The following NBEA variants were observed in gnomAD, a reference collection of about 807,000 sequenced individuals.
NBEA encodes lysosomal-trafficking regulator 2.
NBEA carries 44 observed loss-of-function variants against 343.4 expected under a neutral mutation model. The ratio of observed to expected loss-of-function variants is 0.13; its 90% CI spans 0.10 to 0.16. The LOEUF (loss-of-function observed/expected upper bound fraction) is 0.16, where lower values mean the gene tolerates loss of function less well. NBEA is among the 10% of genes least tolerant of loss of function. NBEA has a pLI of 1.00. For synonymous variants in NBEA, 1,175 were observed against 1,238.7 expected (o/e 0.95, Z 1.08); for missense variants, 2,555 against 3,631.3 (o/e 0.70, Z 7.62).
chr13:35,635,551 G>GAGT (rs1194636855), intron 49 of NBEA, among the ~76,000 whole-genome samples: 21 of 152,138 alleles, frequency 1.4e-4, no homozygotes, highest in African/African-American at 4.6e-4. Context: ...TTAATTAGTG[G>GAGT]AGTGAAAATA....
At chr13:35,668,315 G>C in intron 57 of NBEA, 53 bp from the exon 58 acceptor site, 1 of 1,512,742 alleles carries the variant, frequency 6.6e-7, no homozygotes, top group Non-Finnish European at 8.9e-7. Context: ...TGGTTGTTGT[G>C]TATTTTATTT....
intron 1 of NBEA, among the ~76,000 whole-genome samples, chr13:34,951,078 G>C (rs1373916827): frequency 6.6e-6 from 1 of 152,096 alleles, no homozygotes. Context: ...TATTCCGAGT[G>C]ACATTTTACC....
chr13:35,156,362 T>G (rs2069174977), intron 20 of NBEA, among the ~76,000 whole-genome samples, 156 bp downstream of exon 20: 2 of 152,200 alleles, frequency 1.3e-5, no homozygotes, highest in South Asian at 4.2e-4. Flanking sequence ...CTGTATTCGG[T>G]ATTCTTCTAT....
intron 1 of NBEA, among the ~76,000 whole-genome samples, chr13:35,010,744 ATATATAT>A (rs1566159150): frequency 0.18 from 10,930 of 62,098 alleles, 2,044 homozygotes; most frequent in Non-Finnish European, 0.21. Flanking sequence ...AAAAAAAAAT[ATATATAT>A]ATATATATAT....
At chr13:35,611,690 A>T (rs377639459) in intron 48 of NBEA, among the ~76,000 whole-genome samples, 3 of 152,200 alleles carry the variant, frequency 2.0e-5, no homozygotes, top group Admixed American at 1.3e-4. Context: ...TTTGAGTTTG[A>T]CTTCTTTGAG....
At chr13:35,210,701 A>C (rs750107206) in intron 32 of NBEA, among the ~76,000 whole-genome samples, 1 of 152,156 alleles carries the variant, frequency 6.6e-6, no homozygotes, top group Non-Finnish European at 1.5e-5. Context: ...AAAACCAAAA[A>C]TATTACAATG....
intron 38 of NBEA, among the ~76,000 whole-genome samples, chr13:35,427,455 G>A (rs2044764064): frequency 6.6e-6 from 1 of 152,128 alleles, no homozygotes; most frequent in Non-Finnish European, 1.5e-5. Flanking sequence ...GCAGATATTG[G>A]TGAACTGCAA....
chr13:35,576,122 G>GT (rs376186194), intron 45 of NBEA, among the ~76,000 whole-genome samples: 6,635 of 143,168 alleles, frequency 0.046, 166 homozygotes, highest in South Asian at 0.093. Context: ...TTTTGGTTTG[G>GT]TTTTTTTTTT....
intron 40 of NBEA, among the ~76,000 whole-genome samples, chr13:35,456,968 G>A (rs967146344): frequency 3.3e-5 from 5 of 150,646 alleles, no homozygotes; most frequent in Admixed American, 2.0e-4. Context: ...AACAACATAC[G>A]TATATTGTTA....
chr13:34,965,816 A>G (rs1024551858), intron 1 of NBEA, among the ~76,000 whole-genome samples: 4 of 152,096 alleles, frequency 2.6e-5, no homozygotes, highest in East Asian at 1.9e-4. Flanking sequence ...TTATAAACAC[A>G]TAACTAAAAG....
intron 34 of NBEA, among the ~76,000 whole-genome samples, chr13:35,264,650 T>C: frequency 6.6e-6 from 1 of 151,898 alleles, no homozygotes; most frequent in Middle Eastern, 3.2e-3. Flanking sequence ...ACAAAAACCA[T>C]ATGATCATTT....
At chr13:35,464,243 G>A (rs552870791) in intron 40 of NBEA, among the ~76,000 whole-genome samples, 1 of 152,232 alleles carries the variant, frequency 6.6e-6, no homozygotes, top group East Asian at 1.9e-4. Flanking sequence ...AACCTACAAA[G>A]TCTGACATTC....
In NBEA at chr13:34,980,198, G is replaced by T. The variant is rs113992495; in HGVS notation, c.294+37084G>T. Among the ~76,000 whole-genome samples the T allele has an allele frequency of 6.8e-3, 1,025 of 151,070 alleles. 11 individuals are homozygous for T. Among genetic ancestry groups the T allele is most frequent in the African/African-American group, 0.022 (917 of 41,262 alleles). On this transcript the variant is annotated intron_variant, in intron 1 of 58. Coordinates refer to ENST00000379939, the MANE Select transcript of NBEA (RefSeq NM_001385012.1). ...GCCTTAGAGTCTAGCTGTTTTTTTT[G>T]TTGTTGTTGTTATTTATATAAATAT...
chr13:35,457,393 T>G (rs1405689355), intron 40 of NBEA, among the ~76,000 whole-genome samples: 1 of 152,202 alleles, frequency 6.6e-6, no homozygotes, highest in African/African-American at 2.4e-5. Context: ...AAATATTTCA[T>G]TACTCCAGAT....
chr13:35,054,392 G>T (rs1377599519), intron 6 of NBEA, among the ~76,000 whole-genome samples: 1 of 151,788 alleles, frequency 6.6e-6, no homozygotes, highest in East Asian at 1.9e-4. Flanking sequence ...ATTGTTAAAT[G>T]AATACTTTAA....
intron 45 of NBEA, among the ~76,000 whole-genome samples, chr13:35,577,138 C>G (rs556114967): frequency 2.6e-5 from 4 of 152,276 alleles, no homozygotes; most frequent in Admixed American, 2.6e-4. Context: ...TGTAACCCCG[C>G]TAGAAAAAGA....
At chr13:35,242,036 A>G (rs1450099777) in intron 34 of NBEA, among the ~76,000 whole-genome samples, 1 of 151,956 alleles carries the variant, frequency 6.6e-6, no homozygotes, top group Non-Finnish European at 1.5e-5. Flanking sequence ...AACATAGTTC[A>G]TGCAAAGGAA....
chr13:35,598,470 T>C (rs1239772123), intron 47 of NBEA, among the ~76,000 whole-genome samples: 6 of 152,206 alleles, frequency 3.9e-5, no homozygotes, highest in African/African-American at 1.2e-4. Context: ...ATAAACATGG[T>C]TTGCAGCTGA....
intron 1 of NBEA, among the ~76,000 whole-genome samples, chr13:35,026,267 A>G (rs867530179): frequency 6.6e-6 from 1 of 152,132 alleles, no homozygotes; most frequent in African/African-American, 2.4e-5. Flanking sequence ...CTGTGAGTCA[A>G]TTAAACCTCT....
Sources: gnomAD v4.1 joint callset for allele counts (sites outside exome capture counted in the v4.1 genomes callset) on GRCh38, gnomAD v4.1.1 for gene constraint, MANE v1.5 for transcripts, NCBI Gene and HGNC (gene_info 2026-07-23, HGNC 2026-07-21) for gene names.